The following TNRC6B variants were observed in gnomAD, a reference collection of about 807,000 sequenced individuals.
TNRC6B encodes the protein trinucleotide repeat-containing gene 6B protein.
TNRC6B carries 52 observed loss-of-function variants against 203.6 expected under a neutral mutation model. The ratio of observed to expected loss-of-function variants is 0.26; its 90% CI spans 0.20 to 0.32. TNRC6B has a LOEUF of 0.32. TNRC6B is among the 10% of genes least tolerant of loss of function. The pLI is 1.00. For synonymous variants in TNRC6B, 838 were observed against 845.7 expected (o/e 0.99, Z 0.16); for missense variants, 1,923 against 2,286.2 (o/e 0.84, Z 3.24).
chr22:40,276,628 G>A (rs765986029), intron 7 of TNRC6B, among the ~76,000 whole-genome samples: 51 of 152,282 alleles, frequency 3.3e-4, no homozygotes, highest in Non-Finnish European at 6.6e-4. Context: ...ACAAACAGAG[G>A]AAGCACTATG....
chr22:40,310,818 C>T lies in TNRC6B; in HGVS notation c.4260C>T (p.Gly1420=), dbSNP rs1284502910. Reference sequence around the variant, plus strand: ...ATTTAATTTCCTCTCTTTTCTCAGGCGCTATAGTGGCCCCTGGTAAAACCC... The same window carrying T: ...ATTTAATTTCCTCTCTTTTCTCAGGTGCTATAGTGGCCCCTGGTAAAACCC... ...ATQEANMHKN[G]AIVAPGKTRG... The change falls in exon 17 of 23, where the codon GGC becomes GGT. Residue 1420 remains glycine, a splice_region_variant and synonymous_variant. Transcript: ENST00000454349. 5.0e-6 allele frequency: 8 copies of T among 1,610,478 alleles called. No individual in the cohort carries two copies. In the East Asian group the frequency reaches 6.7e-5, roughly 13 times the overall value.
intron 1 of TNRC6B, among the ~76,000 whole-genome samples, chr22:40,221,096 G>C (rs138029): frequency 2.0e-5 from 3 of 151,918 alleles, no homozygotes; most frequent in Admixed American, 2.0e-4. Flanking sequence ...TCCCAACTCT[G>C]TCGATACCTG....
intron 3 of TNRC6B, among the ~76,000 whole-genome samples, chr22:40,149,349 C>T (rs75310479): frequency 0.021 from 3,243 of 152,160 alleles, 74 homozygotes; most frequent in African/African-American, 0.058. Flanking sequence ...CAGTGGTTGC[C>T]TAGGCAGGGT....
chr22:40,088,632 T>TG (rs2068122371), intron 1 of TNRC6B, among the ~76,000 whole-genome samples: 2 of 59,958 alleles, frequency 3.3e-5, no homozygotes, highest in Non-Finnish European at 7.9e-5. Context: ...GTGTGTGTGT[T>TG]TTAGTAGAGA....
rs370179151 is a variant in TNRC6B at position 40,322,983 on chromosome 22, G to T, written c.5244G>T (p.Ser1748=). ...TPSAPAAGWQ[S]LETGQNQSDP... ...GTGCGCCAGCTGCGGGGTGGCAGTC[G>T]CTGGAGACCGGCCAGAACCAGTCAG... The change falls in exon 23 of 23, where the codon TCG becomes TCT. Residue 1748 remains serine (S), a synonymous_variant. Transcript: ENST00000454349. 2 of 1,610,666 alleles carry T rather than the reference G, an allele frequency of 1.2e-6. No homozygotes were observed. Among genetic ancestry groups the T allele is most frequent in the Admixed American group, 1.7e-5 (1 of 59,284 alleles).
At chr22:40,052,309 A>G (rs1248348265) in intron 1 of TNRC6B, among the ~76,000 whole-genome samples, 3 of 152,184 alleles carry the variant, frequency 2.0e-5, no homozygotes, top group Non-Finnish European at 4.4e-5. Flanking sequence ...CAGAGGTAAT[A>G]TTACAATATT....
At chr22:40,271,641 C>G (rs932639335) in intron 6 of TNRC6B, among the ~76,000 whole-genome samples, 3 of 152,158 alleles carry the variant, frequency 2.0e-5, no homozygotes, top group African/African-American at 7.2e-5. Flanking sequence ...AGATGTTAAT[C>G]AGACCCTGGG....
intron 12 of TNRC6B, among the ~76,000 whole-genome samples, chr22:40,290,534 C>T (rs1003182366): frequency 2.0e-5 from 3 of 152,202 alleles, no homozygotes; most frequent in East Asian, 1.9e-4. Flanking sequence ...ACCAAGCATA[C>T]GCTTAGAACA....
At chr22:40,191,393 C>G (rs544106478) in intron 1 of TNRC6B, among the ~76,000 whole-genome samples, 1 of 152,158 alleles carries the variant, frequency 6.6e-6, no homozygotes, top group South Asian at 2.1e-4. Flanking sequence ...GGATGTTTCC[C>G]AGGTCTCTTC....
chr22:40,113,669 T>G (rs2068362173), intron 1 of TNRC6B, among the ~76,000 whole-genome samples: 1 of 152,222 alleles, frequency 6.6e-6, no homozygotes, highest in Non-Finnish European at 1.5e-5. Context: ...CTTAAACTTT[T>G]GATATTATTA....
At chr22:40,118,258 A>C (rs1023109362) in intron 2 of TNRC6B, among the ~76,000 whole-genome samples, 2 of 152,326 alleles carry the variant, frequency 1.3e-5, no homozygotes, top group African/African-American at 2.4e-5. Flanking sequence ...TGTGTGGCCT[A>C]TGGTTTTTGA....
chr22:40,107,545 C>G (rs558871518), intron 1 of TNRC6B, among the ~76,000 whole-genome samples: 106 of 152,214 alleles, frequency 7.0e-4, no homozygotes, highest in African/African-American at 2.5e-3. Flanking sequence ...TATATAGATT[C>G]ATGACTGTTT....
chr22:40,309,670 G>A (rs1476594145), intron 16 of TNRC6B, among the ~76,000 whole-genome samples: 1 of 152,180 alleles, frequency 6.6e-6, no homozygotes, highest in East Asian at 1.9e-4. Flanking sequence ...GACATGATAG[G>A]TGCATGATAA....
chr22:40,144,653 C>T (rs1034781650), intron 3 of TNRC6B, among the ~76,000 whole-genome samples: 1 of 132,690 alleles, frequency 7.5e-6, no homozygotes, highest in Non-Finnish European at 1.5e-5. Flanking sequence ...CCAGCCTGGG[C>T]GACAGAGCAA....
intron 2 of TNRC6B, among the ~76,000 whole-genome samples, chr22:40,247,832 G>T (rs1177722503): frequency 6.6e-6 from 1 of 152,168 alleles, no homozygotes; most frequent in Non-Finnish European, 1.5e-5. Flanking sequence ...CACTTTGGGA[G>T]GCCAAGGCAG....
At chr22:40,321,004 G>A in intron 21 of TNRC6B, 86 bp from the exon 22 acceptor site, 2 of 1,516,362 alleles carry the variant, frequency 1.3e-6, no homozygotes, top group South Asian at 1.2e-5. Flanking sequence ...GGCACACTAG[G>A]TCTCAGCCAG....
At chr22:40,294,037 G>C (rs1295088673) in intron 12 of TNRC6B, among the ~76,000 whole-genome samples, 1 of 116,114 alleles carries the variant, frequency 8.6e-6, no homozygotes, top group Non-Finnish European at 1.6e-5. Context: ...AGGAGTTCGA[G>C]ACAAGCCTGG....
rs199953986 is a variant in TNRC6B at position 40,264,896 on chromosome 22, G to A, written c.666G>A (p.Ser222=). 23 of 1,613,658 alleles carry A rather than the reference G, an allele frequency of 1.4e-5. No individual in the cohort carries two copies. Among genetic ancestry groups the A allele is most frequent in the South Asian group, 5.5e-5 (5 of 91,058 alleles). ...ACACCACCGATAACAACAGTGCCTCGAACCCTGGCTCTGAGAAGAGCACTC... is the reference window on the plus strand; with the variant it reads ...ACACCACCGATAACAACAGTGCCTCAAACCCTGGCTCTGAGAAGAGCACTC... ...SENTTDNNSA[S]NPGSEKSTLP... Residue 222 remains serine, a synonymous_variant, in exon 5 of 23, where the codon TCG becomes TCA. Transcript: ENST00000454349.
At chr22:40,313,745 C>T (rs953827174) in intron 19 of TNRC6B, among the ~76,000 whole-genome samples, 21 of 152,208 alleles carry the variant, frequency 1.4e-4, no homozygotes, top group African/African-American at 5.1e-4. Flanking sequence ...TTCTCCTTCC[C>T]ACCTCTCTGT....
Sources: gnomAD v4.1 joint callset for allele counts (sites outside exome capture counted in the v4.1 genomes callset) on GRCh38, gnomAD v4.1.1 for gene constraint, MANE v1.5 for transcripts, NCBI Gene and HGNC (gene_info 2026-07-23, HGNC 2026-07-21) for gene names.